The following MYO7B variants were observed in gnomAD, a reference collection of about 807,000 sequenced individuals.
MYO7B encodes the protein unconventional myosin-VIIb.
Under a neutral mutation model 259.7 loss-of-function variants are expected in MYO7B, and 212 were observed. The observed-to-expected ratio is 0.82, with a 90% CI of 0.73 to 0.91. The LOEUF (loss-of-function observed/expected upper bound fraction) is 0.91, where lower values mean the gene tolerates loss of function less well. MYO7B is among the 40% of genes least tolerant of loss of function. MYO7B has a pLI of 0.00. For missense variants in MYO7B, 2,732 were observed against 2,813.5 expected, an observed-to-expected ratio of 0.97 and a Z score of 0.66; for synonymous variants, 1,197 against 1,166.4, an observed-to-expected ratio of 1.03 and a Z score of -0.54.
At chr2:127,629,509 C>T (rs549318135) in intron 34 of MYO7B, 136 bp from the exon 35 acceptor site, 15 of 786,216 alleles carry the variant, frequency 1.9e-5, no homozygotes, top group East Asian at 6.3e-5. Flanking sequence ...GTCCCACCAT[C>T]GCTCACTCTT....
chr2:127,612,705 C>A, intron 26 of MYO7B, 102 bp downstream of exon 26: 1 of 1,487,412 alleles, frequency 6.7e-7, no homozygotes, highest in Admixed American at 2.1e-5. Context: ...ATGACACCTC[C>A]TTGTCCTGCG....
In MYO7B at chr2:127,636,300, C is replaced by T. The variant is rs778337359; in HGVS notation, c.6099C>T (p.Phe2033=). Residue 2033 remains phenylalanine, a synonymous_variant, in exon 45 of 48, where the codon TTC becomes TTT. Coordinates refer to ENST00000409816, the MANE Select transcript of MYO7B (RefSeq NM_001393586.1). This position sits in a 1 kb window ranked among gnomAD's most constrained non-coding sequence, Gnocchi z 4.5. The stretch of plus-strand genomic sequence containing the variant: ...AGTGGATCTGCCGGTGGCCCACCTT[C>T]GGATCCGCCTTCTTCGAGGTGAAGG... ...FLKWICRWPT[F]GSAFFEVKQT... 53 of 1,613,336 alleles carry T rather than the reference C, an allele frequency of 3.3e-5. No homozygotes were observed. Among genetic ancestry groups the T allele is most frequent in the African/African-American group, 8.0e-5 (6 of 74,922 alleles).
At chr2:127,562,487 T>G (rs1050781488) in intron 2 of MYO7B, among the ~76,000 whole-genome samples, 7 of 137,920 alleles carry the variant, frequency 5.1e-5, no homozygotes, top group Middle Eastern at 3.5e-3. Flanking sequence ...TTATTGTTTT[T>G]TTTTTTTTTT....
chr2:127,541,042 A>C (rs1425271777), intron 1 of MYO7B, among the ~76,000 whole-genome samples: 1 of 152,218 alleles, frequency 6.6e-6, no homozygotes, highest in African/African-American at 2.4e-5. Flanking sequence ...ATCTCTCTCT[A>C]CTGTGAATGA....
chr2:127,584,045 T>G lies in MYO7B; in HGVS notation c.1344-77T>G. ...GCAGCTGTTTGCAGATGGCTGGTGA[T>G]CCTATGGCTCCAGCCTGCTGCAGCG... On this transcript the variant is annotated intron_variant, in intron 12 of 47. Coordinates refer to ENST00000409816, the MANE Select transcript of MYO7B (RefSeq NM_001393586.1). The surrounding 1 kb of genome is among the most constrained non-coding windows in gnomAD (Gnocchi z 5.8). 20 of 1,358,480 alleles carry G rather than the reference T, an allele frequency of 1.5e-5. No homozygotes were observed. Among genetic ancestry groups the G allele is most frequent in the Non-Finnish European group, 2.1e-5 (20 of 975,242 alleles). 84.2% of individuals were successfully genotyped at this position (1,358,480 alleles called of 1,614,324 possible).
chr2:127,614,153 G>A lies in MYO7B; in HGVS notation c.3398+1550G>A, dbSNP rs1047601226. 7.9e-5 allele frequency among the ~76,000 whole-genome samples: 12 copies of A among 152,238 alleles called. No homozygotes were observed. The highest frequency in any genetic ancestry group is 2.6e-4 in the Admixed American group (4 of 15,302). ...TGGCAGACACATAAAAGCTATATTC[G>A]AATGATGTGTACTTTGGGTTCTTCA... On this transcript the variant is annotated intron_variant, in intron 26 of 47. Transcript: ENST00000409816. The surrounding 1 kb of genome is among the most constrained non-coding windows in gnomAD (Gnocchi z 4.6).
intron 9 of MYO7B, among the ~76,000 whole-genome samples, chr2:127,580,529 G>A (rs1679057113): frequency 6.6e-6 from 1 of 152,210 alleles, no homozygotes; most frequent in Non-Finnish European, 1.5e-5. Flanking sequence ...AAGAGGAAGT[G>A]GTCTGCCACG....
chr2:127,577,290 C>T lies in MYO7B; in HGVS notation c.849+582C>T, dbSNP rs1456239534. ...GCAACCCTCTCTCCTGGGTCCACTG[C>T]TCCAAGGCCTTCACCAGCCCCTGCC... On this transcript the variant is annotated intron_variant, in intron 8 of 47. Transcript: ENST00000409816. The surrounding 1 kb of genome is among the most constrained non-coding windows in gnomAD (Gnocchi z 5.2). Among the ~76,000 whole-genome samples the T allele has an allele frequency of 4.6e-5, 7 of 152,144 alleles. No individual in the cohort carries two copies. The highest frequency in any genetic ancestry group is 1.2e-4 in the African/African-American group (5 of 41,418).
chr2:127,582,057 G>A (rs766486173), intron 11 of MYO7B, 47 bp downstream of exon 11: 18 of 1,611,008 alleles, frequency 1.1e-5, no homozygotes, highest in Middle Eastern at 3.3e-4. Context: ...TGTTGACCAC[G>A]GCTCTGCTTC....
intron 27 of MYO7B, among the ~76,000 whole-genome samples, chr2:127,621,148 G>A (rs1316501060): frequency 6.6e-6 from 1 of 152,066 alleles, no homozygotes; most frequent in African/African-American, 2.4e-5. Context: ...ACCCTTCCAG[G>A]CTGTTCCTCC....
intron 4 of MYO7B, among the ~76,000 whole-genome samples, 189 bp downstream of exon 4, chr2:127,565,574 G>A (rs1364202246): frequency 6.6e-6 from 1 of 152,260 alleles, no homozygotes; most frequent in African/African-American, 2.4e-5. Flanking sequence ...CCACCCTGGA[G>A]GGGAGGAAGC....
intron 28 of MYO7B, 149 bp from the exon 29 acceptor site, chr2:127,623,053 C>T: frequency 3.4e-6 from 3 of 890,472 alleles, no homozygotes; most frequent in Non-Finnish European, 5.0e-6. Flanking sequence ...AGCCCATGGC[C>T]TGGGGCTTCA....
intron 12 of MYO7B, among the ~76,000 whole-genome samples, chr2:127,583,270 A>T (rs2104940124): frequency 1.3e-5 from 2 of 152,296 alleles, no homozygotes; most frequent in Middle Eastern, 6.8e-3. Flanking sequence ...TCTGAGAGTG[A>T]TTTAGAAGGG....
chr2:127,635,278 A>C, intron 43 of MYO7B, 52 bp downstream of exon 43: 1 of 1,514,518 alleles, frequency 6.6e-7, no homozygotes. Context: ...ATCTTCCCAC[A>C]CCTGTTCTGA....
chr2:127,541,540 C>A (rs1208606435), intron 1 of MYO7B, among the ~76,000 whole-genome samples: 1 of 152,226 alleles, frequency 6.6e-6, no homozygotes, highest in East Asian at 1.9e-4. Flanking sequence ...AACAGTTGAA[C>A]CAGGTCTAAA....
At position 127,612,287 on chromosome 2, in the gene MYO7B, C is replaced by T; in HGVS notation, c.3230C>T (p.Ser1077Phe). 2 of 755,556 alleles carry T rather than the reference C, an allele frequency of 2.6e-6. No homozygotes were observed. The highest frequency in any genetic ancestry group is 4.5e-6 in the Non-Finnish European group (2 of 441,704). The allele number at this position is 755,556 out of a possible 1,614,324, so 46.8% of individuals were successfully genotyped here. A position where few individuals can be genotyped will look rare whatever the true frequency, so the allele number is the denominator to read the frequency against. ...AAGGACAAGGGGACCAAGGATATCT[C>T]CTCCATGAAGCTGAAGCGGTCCTCC... ...GCKDKGTKDI[S>F]SMKLKRSSRI... is the part of the protein sequence containing the mutation. The change falls in exon 25 of 48, where the codon TCC (serine) becomes TTC (phenylalanine). Residue 1077 changes from serine (S) to phenylalanine (F), a missense_variant. Ser to Phe is a radical substitution (Grantham distance 155). This residue lies in a region of MYO7B where 1,906 missense variants were observed against 2,026.4 expected (regional missense o/e 0.94). Coordinates refer to ENST00000409816, the MANE Select transcript of MYO7B (RefSeq NM_001393586.1).
rs933820411 is a variant in MYO7B, at chr2:127,585,899, C to G, written c.1690+986C>G. ...TTGGAGGGATGTCTATTTAAATGCTCTGCCTGTGTTTTCACTGGGTTGTCT... is the reference window on the plus strand; with the variant it reads ...TTGGAGGGATGTCTATTTAAATGCTGTGCCTGTGTTTTCACTGGGTTGTCT... On this transcript the variant is annotated intron_variant, in intron 14 of 47. Transcript: ENST00000409816. The surrounding 1 kb of genome is among the most constrained non-coding windows in gnomAD (Gnocchi z 4.3). 8.5e-5 allele frequency among the ~76,000 whole-genome samples: 13 copies of G among 152,224 alleles called. No homozygotes were observed. The highest frequency in any genetic ancestry group is 3.1e-4 in the African/African-American group (13 of 41,452).
At chr2:127,557,643 G>A (rs1023919387) in intron 1 of MYO7B, among the ~76,000 whole-genome samples, 20 of 152,062 alleles carry the variant, frequency 1.3e-4, no homozygotes, top group African/African-American at 4.3e-4. Flanking sequence ...TATAAAAATA[G>A]GCATATAGAC....
chr2:127,555,715 C>T (rs915687703), intron 1 of MYO7B, among the ~76,000 whole-genome samples: 6 of 152,106 alleles, frequency 3.9e-5, no homozygotes, highest in African/African-American at 1.4e-4. Context: ...TTGGAGGTTC[C>T]TTTTGGAGCT....
Sources: allele counts gnomAD v4.1 joint callset (sites outside exome capture counted in the v4.1 genomes callset), GRCh38; gene constraint gnomAD v4.1.1; regional missense constraint gnomAD v4.1.1; non-coding constraint Gnocchi (gnomAD v3.1); transcripts MANE v1.5; gene names NCBI Gene and HGNC (gene_info 2026-07-23, HGNC 2026-07-21).